SORCS1: variants seen among roughly 807,000 people sequenced by gnomAD.
The protein encoded by SORCS1 is sortilin related VPS10 domain containing receptor 1.
A neutral mutation model predicts 146.1 loss-of-function variants in SORCS1; 60 were observed. The ratio of observed to expected loss-of-function variants is 0.41; its 90% CI spans 0.33 to 0.51. SORCS1 has a LOEUF of 0.51. Among genes scored for constraint, SORCS1 ranks in the 20% least tolerant of loss-of-function variants. The probability of loss-of-function intolerance (pLI) is 0.21; values close to 1 mark genes in which losing one functional copy is unlikely to be tolerated. For synonymous variants in SORCS1, 637 were observed against 584.0 expected, an observed-to-expected ratio of 1.09 and a Z score of -1.31; for missense variants, 1,352 against 1,487.6, an observed-to-expected ratio of 0.91 and a Z score of 1.50.
rs554628035 is a variant in SORCS1, at chr10:106,957,398, C to T, written c.559-818G>A. Among the ~76,000 whole-genome samples, 7 of 152,076 alleles carry T rather than the reference C, an allele frequency of 4.6e-5. 1 individual carries two copies. In the South Asian group the frequency reaches 1.5e-3, roughly 32 times the overall value. On this transcript the variant is annotated intron_variant, in intron 1 of 25. Transcript: ENST00000263054. The stretch of plus-strand genomic sequence containing the variant: ...TGTTGGGTAGGCTGGTCTCGAACTC[C>T]TGACCTCAGGTGATCCACCTGCCTC...
chr10:107,003,030 T>A (rs1200263663), intron 1 of SORCS1, among the ~76,000 whole-genome samples: 1 of 152,152 alleles, frequency 6.6e-6, no homozygotes, highest in African/African-American at 2.4e-5. Context: ...CCAAGGCAGG[T>A]GGATCACCTG....
At chr10:107,006,349 A>C (rs985147859) in intron 1 of SORCS1, among the ~76,000 whole-genome samples, 8 of 152,204 alleles carry the variant, frequency 5.3e-5, no homozygotes, top group African/African-American at 1.9e-4. Flanking sequence ...CAGGGAGGAA[A>C]AACAGGTGTA....
chr10:106,703,177 TAA>T (rs879675973), intron 8 of SORCS1, among the ~76,000 whole-genome samples: 11 of 142,464 alleles, frequency 7.7e-5, no homozygotes, highest in African/African-American at 7.7e-5. Flanking sequence ...GCTCCTTATT[TAA>T]AAAAAAAAAA....
chr10:106,881,382 C>A (rs11193090), intron 2 of SORCS1, among the ~76,000 whole-genome samples: 1 of 151,998 alleles, frequency 6.6e-6, no homozygotes, highest in Non-Finnish European at 1.5e-5. Context: ...TAATAAATAC[C>A]TATTCTTTTG....
chr10:107,113,770 T>C (rs999867161), intron 1 of SORCS1, among the ~76,000 whole-genome samples: 1 of 144,320 alleles, frequency 6.9e-6, no homozygotes, highest in Non-Finnish European at 1.5e-5. Flanking sequence ...AATAATAAAC[T>C]AGGCCCAAAG....
At chr10:106,578,569 A>T in intron 25 of SORCS1, 1 of 214,078 alleles carries the variant, frequency 4.7e-6, no homozygotes, top group Non-Finnish European at 6.2e-6. Context: ...CAATAGATGT[A>T]AAAAAAAAAA....
chr10:106,877,101 C>A (rs1950614838), intron 2 of SORCS1, among the ~76,000 whole-genome samples: 1 of 152,182 alleles, frequency 6.6e-6, no homozygotes, highest in Admixed American at 6.5e-5. Flanking sequence ...CATTTCAACT[C>A]TTTTGTGCTT....
chr10:106,609,965 A>G lies in SORCS1; in HGVS notation c.3033+1946T>C, dbSNP rs372096250. 2.6e-5 allele frequency among the ~76,000 whole-genome samples: 4 copies of G among 152,240 alleles called. No homozygotes were observed. The East Asian group carries it at 7.7e-4, about 29-fold the overall frequency. ...AAGAGATGGACAGTGGGTTCGTTAA[A>G]GAGCATAAGTCATCCTTCTTGGACA... On this transcript the variant is annotated intron_variant, in intron 22 of 25. Coordinates refer to ENST00000263054, the MANE Select transcript of SORCS1 (RefSeq NM_052918.5).
intron 1 of SORCS1, among the ~76,000 whole-genome samples, 171 bp downstream of exon 1, chr10:107,163,798 T>G (rs999992251): frequency 7.9e-5 from 12 of 152,002 alleles, no homozygotes; most frequent in African/African-American, 2.9e-4. Context: ...GATGGGGAGG[T>G]TGGTCTCCTA....
chr10:107,169,364 G>A (rs537047325), upstream of SORCS1, among the ~76,000 whole-genome samples: 149 of 152,236 alleles, frequency 9.8e-4, no homozygotes, highest in Admixed American at 1.2e-3. Flanking sequence ...AGAATGATGG[G>A]ATTTTTAAAA....
chr10:107,150,647 A>C (rs148022334), intron 1 of SORCS1, among the ~76,000 whole-genome samples: 1 of 152,192 alleles, frequency 6.6e-6, no homozygotes, highest in Non-Finnish European at 1.5e-5. Flanking sequence ...CTCATCTTCA[A>C]TTGTAGTTCA....
intron 1 of SORCS1, among the ~76,000 whole-genome samples, chr10:107,069,445 G>A (rs1303711843): frequency 1.3e-5 from 2 of 151,304 alleles, no homozygotes; most frequent in East Asian, 1.9e-4. Flanking sequence ...GTGCCATGTC[G>A]GCTCACTGCA....
intron 2 of SORCS1, among the ~76,000 whole-genome samples, chr10:106,922,438 A>C (rs1952760436): frequency 6.6e-6 from 1 of 152,240 alleles, no homozygotes; most frequent in South Asian, 2.1e-4. Flanking sequence ...GACAAAGAAA[A>C]AACAAAAGCC....
At chr10:106,685,263 C>G (rs1259209516) in intron 10 of SORCS1, among the ~76,000 whole-genome samples, 4 of 152,098 alleles carry the variant, frequency 2.6e-5, no homozygotes, top group African/African-American at 9.7e-5. Context: ...AACGTGGCAC[C>G]CCTAATGTTG....
intron 5 of SORCS1, among the ~76,000 whole-genome samples, chr10:106,731,773 G>A (rs1324873366): frequency 1.3e-5 from 2 of 152,068 alleles, no homozygotes; most frequent in Admixed American, 1.3e-4. Context: ...AAAGCTACTG[G>A]AAGGTCTTCT....
At chr10:106,857,624 A>C (rs887938727) in intron 2 of SORCS1, among the ~76,000 whole-genome samples, 2 of 152,224 alleles carry the variant, frequency 1.3e-5, no homozygotes, top group African/African-American at 4.8e-5. Context: ...CTTAGGATGC[A>C]TGAGGTTAAA....
intron 2 of SORCS1, among the ~76,000 whole-genome samples, chr10:106,927,620 T>C (rs963350357): frequency 5.9e-5 from 9 of 152,230 alleles, no homozygotes; most frequent in Non-Finnish European, 8.8e-5. Context: ...CCAAGGGGTC[T>C]GTTTTGACAG....
At chr10:106,897,045 C>G (rs1021704606) in intron 2 of SORCS1, among the ~76,000 whole-genome samples, 3 of 151,898 alleles carry the variant, frequency 2.0e-5, no homozygotes, top group African/African-American at 7.3e-5. Flanking sequence ...CGCCTGCCAC[C>G]GCGCCCGGCT....
rs1368794045 is a variant in SORCS1 at position 106,576,452 on chromosome 10, CAAACAAATGT to C, written c.*958_*967del. 1 of 152,204 alleles carries C rather than the reference CAAACAAATGT, an allele frequency of 6.6e-6. No individual in the cohort carries two copies. Among genetic ancestry groups the C allele is most frequent in the African/African-American group, 2.4e-5 (1 of 41,434 alleles). The allele number at this position is 152,204 out of a possible 1,614,324, so 9.4% of individuals were successfully genotyped here. On this transcript the variant is annotated 3_prime_UTR_variant, in exon 26 of 26. Transcript: ENST00000263054. ...ACAGATCATGGTCACACATGGATGA[CAAACAAATGT>C]GAAGACAGGACAATGGGTAACTAAT... is the stretch of plus-strand genomic sequence containing the variant.
Sources: gnomAD v4.1 joint callset for allele counts (sites outside exome capture counted in the v4.1 genomes callset) on GRCh38, gnomAD v4.1.1 for gene constraint, MANE v1.5 for transcripts, NCBI Gene and HGNC (gene_info 2026-07-23, HGNC 2026-07-21) for gene names.